RNF212B: variants seen among roughly 807,000 people sequenced by gnomAD.
RNF212B encodes ring finger protein 212B.
In RNF212B, 52 loss-of-function variants were observed where a neutral mutation model predicts 55.5. That is an observed-to-expected ratio of 0.94 (90% CI 0.75 to 1.18). RNF212B has a LOEUF of 1.18. Ranked by LOEUF, RNF212B falls within the 50% of genes most tolerant of loss-of-function variation. The pLI is 0.00. For missense variants in RNF212B, 289 were observed against 350.4 expected, an observed-to-expected ratio of 0.82 and a Z score of 1.40; for synonymous variants, 99 against 121.4, an observed-to-expected ratio of 0.82 and a Z score of 1.21.
upstream of RNF212B, among the ~76,000 whole-genome samples, chr14:23,237,485 T>C (rs1003594460): frequency 2.0e-5 from 3 of 152,214 alleles, no homozygotes; most frequent in Non-Finnish European, 4.4e-5. Context: ...AGTTCTCAAT[T>C]AATATCACAC....
At chr14:23,251,143 G>T (rs529595887) in intron 4 of RNF212B, among the ~76,000 whole-genome samples, 6 of 152,248 alleles carry the variant, frequency 3.9e-5, no homozygotes, top group East Asian at 1.9e-4. Flanking sequence ...TTCAGTAAAG[G>T]TTTGCTAAAT....
intron 2 of RNF212B, among the ~76,000 whole-genome samples, chr14:23,194,007 A>G (rs1243253056): frequency 6.6e-6 from 1 of 152,106 alleles, no homozygotes; most frequent in African/African-American, 2.4e-5. Context: ...ACGCCTGGCT[A>G]ATTTTTGTAT....
chr14:23,263,484 C>T (rs2140478194), intron 9 of RNF212B, among the ~76,000 whole-genome samples: 1 of 152,294 alleles, frequency 6.6e-6, no homozygotes, highest in East Asian at 1.9e-4. Context: ...AACTGGTAAT[C>T]AATGACTGGG....
In RNF212B at chr14:23,273,245, T is replaced by G. The variant is rs185922791; in HGVS notation, c.*354T>G. Reference sequence around the variant, plus strand: ...GATGGATCATATACTCATCACTGTTTCATTTCTGGATTTCATTTTTAGCTT... The same window carrying G: ...GATGGATCATATACTCATCACTGTTGCATTTCTGGATTTCATTTTTAGCTT... On this transcript the variant is annotated 3_prime_UTR_variant, in exon 15 of 15. Transcript: ENST00000430154. The G allele has an allele frequency of 5.9e-6, 1 of 168,834 alleles. No homozygotes were observed. Among genetic ancestry groups the G allele is most frequent in the Non-Finnish European group, 1.3e-5 (1 of 78,996 alleles). 10.5% of individuals were successfully genotyped at this position (168,834 alleles called of 1,614,324 possible). A position where few individuals can be genotyped will look rare whatever the true frequency, so the allele number is the denominator to read the frequency against.
chr14:23,221,823 A>G (rs34046498), intron 2 of RNF212B, among the ~76,000 whole-genome samples: 24,688 of 152,146 alleles, frequency 0.16, 2,037 homozygotes, highest in Non-Finnish European at 0.18. Flanking sequence ...CTAAAAATCA[A>G]TAACAGGAGG....
rs139510113 is a variant in RNF212B at position 23,238,020 on chromosome 14, G to C, written c.-37G>C. The stretch of plus-strand genomic sequence containing the variant: ...TGAGGAGAACTGGATGATTTCCTGA[G>C]ATCTGAGGCTTTCTGGAATCACAGC... On this transcript the variant is annotated 5_prime_UTR_variant, in exon 1 of 15. Transcript: ENST00000430154. 0.013 allele frequency among the ~76,000 whole-genome samples: 1,942 copies of C among 152,312 alleles called. 27 individuals are homozygous for C. Among genetic ancestry groups the C allele is most frequent in the Non-Finnish European group, 0.016 (1,084 of 68,018 alleles).
intron 2 of RNF212B, among the ~76,000 whole-genome samples, chr14:23,197,901 A>T (rs1402262589): frequency 1.3e-5 from 2 of 151,994 alleles, no homozygotes; most frequent in Non-Finnish European, 2.9e-5. Context: ...TGGGAAGGTA[A>T]TGGAAAATTA....
intron 2 of RNF212B, among the ~76,000 whole-genome samples, chr14:23,223,884 C>T (rs1217649272): frequency 6.6e-6 from 1 of 152,060 alleles, no homozygotes; most frequent in Non-Finnish European, 1.5e-5. Context: ...TTTTAAAAAT[C>T]CAGTAAAGTT....
chr14:23,268,780 CT>C lies in RNF212B; in HGVS notation c.635-139del. 4 of 639,416 alleles carry C rather than the reference CT, an allele frequency of 6.3e-6. No individual in the cohort carries two copies. The South Asian group carries it at 8.0e-5, about 13-fold the overall frequency. The allele number at this position is 639,416 out of a possible 1,614,324, so 39.6% of individuals were successfully genotyped here. On this transcript the variant is annotated intron_variant, in intron 11 of 14. Coordinates refer to ENST00000430154, the MANE Select transcript of RNF212B (RefSeq NM_001282322.3). ...GAGATACTGCTATGTGATTTGTGAG[CT>C]TTTTCACTTGGCATTAGCCCCCAAC...
At chr14:23,244,011 A>G (rs762663055) in intron 3 of RNF212B, among the ~76,000 whole-genome samples, 1 of 151,700 alleles carries the variant, frequency 6.6e-6, no homozygotes, top group African/African-American at 2.4e-5. Context: ...CCAAAAGGCG[A>G]GGGTTGCAAT....
At chr14:23,257,963 T>TA (rs34014159) in intron 4 of RNF212B, among the ~76,000 whole-genome samples, 5 of 152,070 alleles carry the variant, frequency 3.3e-5, no homozygotes, top group Non-Finnish European at 7.4e-5. Flanking sequence ...AAAACAGTTT[T>TA]AAAAAAAATC....
At chr14:23,234,691 A>G (rs1882972061), upstream of RNF212B, among the ~76,000 whole-genome samples, 1 of 152,232 alleles carries the variant, frequency 6.6e-6, no homozygotes, top group Non-Finnish European at 1.5e-5. Context: ...TAAATTACAG[A>G]CGTTTTATAA....
At chr14:23,213,683 T>C (rs1880779251) in intron 2 of RNF212B, among the ~76,000 whole-genome samples, 1 of 142,134 alleles carries the variant, frequency 7.0e-6, no homozygotes, top group South Asian at 2.1e-4. Context: ...TTAGGAACTG[T>C]GTGCTCTACC....
chr14:23,231,234 A>G (rs992406138), intron 2 of RNF212B, among the ~76,000 whole-genome samples: 1 of 152,206 alleles, frequency 6.6e-6, no homozygotes, highest in African/African-American at 2.4e-5. Context: ...GTAGTGTTCT[A>G]TGTACAAACA....
At chr14:23,253,531 C>T (rs750170949) in intron 4 of RNF212B, among the ~76,000 whole-genome samples, 1 of 151,748 alleles carries the variant, frequency 6.6e-6, no homozygotes, top group East Asian at 1.9e-4. Context: ...GGTTTGGGGG[C>T]GGGGAAAGGT....
chr14:23,196,602 G>A (rs988985469), intron 2 of RNF212B, among the ~76,000 whole-genome samples: 2 of 152,134 alleles, frequency 1.3e-5, no homozygotes, highest in Non-Finnish European at 2.9e-5. Context: ...ACCATGCCCA[G>A]CTAATTTTTA....
At chr14:23,256,316 T>C (rs1884830941) in intron 4 of RNF212B, among the ~76,000 whole-genome samples, 1 of 152,134 alleles carries the variant, frequency 6.6e-6, no homozygotes, top group South Asian at 2.1e-4. Flanking sequence ...CCTACCCCCC[T>C]GCCATTTTAG....
At chr14:23,206,499 C>T (rs960746341) in intron 2 of RNF212B, among the ~76,000 whole-genome samples, 10 of 152,234 alleles carry the variant, frequency 6.6e-5, no homozygotes, top group Admixed American at 3.3e-4. Context: ...TATATAAAGA[C>T]GTATTAGGCA....
intron 1 of RNF212B, among the ~76,000 whole-genome samples, chr14:23,189,116 C>T (rs1308753028): frequency 6.6e-6 from 1 of 152,192 alleles, no homozygotes; most frequent in Admixed American, 6.5e-5. Flanking sequence ...AATCCTACCA[C>T]AATCTTGTAG....
Sources: allele counts gnomAD v4.1 joint callset (sites outside exome capture counted in the v4.1 genomes callset), GRCh38; gene constraint gnomAD v4.1.1; transcripts MANE v1.5; gene names NCBI Gene and HGNC (gene_info 2026-07-23, HGNC 2026-07-21).